Variants in F9 observed in about 807,000 individuals in gnomAD.
F9 encodes the protein coagulation factor IX, also known as Christmas factor.
F9 carries 2 observed loss-of-function variants against 34.1 expected under a neutral mutation model. That is an observed-to-expected ratio of 0.06 (90% confidence interval 0.02 to 0.18). F9 has a LOEUF of 0.18. F9 is among the 10% of genes least tolerant of loss of function. The pLI is 1.00. For missense variants in F9, 216 were observed against 345.1 expected (o/e 0.63, Z 2.96); for synonymous variants, 137 against 118.8 (o/e 1.15, Z -1.00).
chrX:139,551,281 G>T lies in F9; in HGVS notation c.723+17G>T. On this transcript the variant is annotated intron_variant, in intron 6 of 7. Transcript: ENST00000218099. ...CCTTGGCAGGTACTTTATACTGATG[G>T]TGTGTCAAAACTGGAGCTCAGCTGG... 2.5e-6 allele frequency: 3 copies of T among 1,190,410 alleles called. No individual in the cohort carries two copies. Among genetic ancestry groups the T allele is most frequent in the Non-Finnish European group, 3.4e-6 (3 of 876,031 alleles).
chrX:139,540,528 T>C (rs1927579326), intron 3 of F9, among the ~76,000 whole-genome samples: 1 of 111,868 alleles, frequency 8.9e-6, no homozygotes, highest in Admixed American at 9.5e-5. Context: ...TCTTGAACCA[T>C]TACTGCATAT....
At chrX:139,539,958 G>A (rs1226895323) in intron 3 of F9, among the ~76,000 whole-genome samples, 1 of 111,557 alleles carries the variant, frequency 9.0e-6, no homozygotes, top group Admixed American at 9.5e-5. Context: ...CAGATGTCAA[G>A]GAGATTTGCT....
chrX:139,537,030 G>A lies in F9; in HGVS notation c.109G>A (p.Ala37Thr), dbSNP rs367569299. 13 of 1,205,775 alleles carry A rather than the reference G, an allele frequency of 1.1e-5. No homozygotes were observed. Among genetic ancestry groups the A allele is most frequent in the South Asian group, 9.0e-5 (5 of 55,576 alleles). ...ECTVFLDHEN[A>T]NKILNRPKRY... ...TTCAGTTTTTCTTGATCATGAAAACGCCAACAAAATTCTGAATCGGCCAAA... is the reference window on the plus strand; with the variant it reads ...TTCAGTTTTTCTTGATCATGAAAACACCAACAAAATTCTGAATCGGCCAAA... Residue 37 changes from alanine to threonine, a missense_variant, in exon 2 of 8, where the codon GCC (alanine) becomes ACC (threonine). Ala to Thr is a moderately conservative substitution (Grantham distance 58). Coordinates refer to ENST00000218099, the MANE Select transcript of F9 (RefSeq NM_000133.4).
chrX:139,534,492 T>C (rs4149671), intron 1 of F9, among the ~76,000 whole-genome samples: 39,765 of 110,425 alleles, frequency 0.36, 5,373 homozygotes, highest in African/African-American at 0.44. Flanking sequence ...ACAGATTCAA[T>C]TAACTGCAGA....
chrX:139,550,969 G>A (rs1321836680), intron 5 of F9, 93 bp from the exon 6 acceptor site: 1 of 757,341 alleles, frequency 1.3e-6, no homozygotes, highest in Non-Finnish European at 2.0e-6. Context: ...TCTCAGAAGT[G>A]ACAAGGATGG....
At chrX:139,556,468 G>C (rs1927970371) in intron 6 of F9, among the ~76,000 whole-genome samples, 1 of 111,717 alleles carries the variant, frequency 9.0e-6, no homozygotes, top group South Asian at 3.8e-4. Flanking sequence ...TGTTCGATTA[G>C]GACACATCTC....
chrX:139,536,239 G>GTA (rs199862336), intron 1 of F9, among the ~76,000 whole-genome samples: 16 of 90,629 alleles, frequency 1.8e-4, no homozygotes, highest in South Asian at 5.0e-4. Flanking sequence ...ACACATATAT[G>GTA]TATATATATG....
At chrX:139,559,872 C>T (rs1253463867) in intron 6 of F9, among the ~76,000 whole-genome samples, 1 of 112,070 alleles carries the variant, frequency 8.9e-6, no homozygotes, top group African/African-American at 3.2e-5. Flanking sequence ...AGCTTTCTTC[C>T]TATAAAGGTG....
chrX:139,533,133 G>A (rs1476174774), intron 1 of F9, among the ~76,000 whole-genome samples: 1 of 111,275 alleles, frequency 9.0e-6, no homozygotes, highest in African/African-American at 3.3e-5. Flanking sequence ...AAAAAAGAGG[G>A]GAGTTCAAAT....
chrX:139,532,773 G>T (rs777911882), intron 1 of F9, among the ~76,000 whole-genome samples: 1 of 111,950 alleles, frequency 8.9e-6, no homozygotes, highest in Non-Finnish European at 1.9e-5. Flanking sequence ...TATGCAAAGA[G>T]GATCACTCGT....
chrX:139,552,697 C>T (rs2148363258), intron 6 of F9, among the ~76,000 whole-genome samples: 1 of 112,651 alleles, frequency 8.9e-6, no homozygotes, highest in African/African-American at 3.2e-5. Context: ...ATAGAACACT[C>T]TATTACTGCA....
chrX:139,537,070 G>C lies in F9; in HGVS notation c.149G>C (p.Gly50Ala), dbSNP rs1229048705. 6 of 1,209,144 alleles carry C rather than the reference G, an allele frequency of 5.0e-6. No homozygotes were observed. In the African/African-American group the frequency reaches 7.0e-5, roughly 14 times the overall value. Residue 50 changes from glycine to alanine, a missense_variant, in exon 2 of 8, where the codon GGT becomes GCT. Gly to Ala is a moderately conservative substitution (Grantham distance 60, BLOSUM62 0). Around this residue, in one of 2 missense-constraint regions of F9, gnomAD observed 177 missense variants for 311.8 expected, o/e 0.57. Coordinates refer to ENST00000218099, the MANE Select transcript of F9 (RefSeq NM_000133.4). Reference sequence around the variant, plus strand: ...AATCGGCCAAAGAGGTATAATTCAGGTAAATTGGAAGAGTTTGTTCAAGGG... The same window carrying C: ...AATCGGCCAAAGAGGTATAATTCAGCTAAATTGGAAGAGTTTGTTCAAGGG... ...ILNRPKRYNSGKLEEFVQGNL... is the reference protein window; with the variant it reads ...ILNRPKRYNSAKLEEFVQGNL...
In F9 at chrX:139,561,739, T is replaced by A. The variant is rs764515994; in HGVS notation, c.1054T>A (p.Tyr352Asn). 1 of 1,210,378 alleles carries A rather than the reference T, an allele frequency of 8.3e-7. No individual in the cohort carries two copies. The highest frequency in any genetic ancestry group is 1.1e-6 in the Non-Finnish European group (1 of 895,293). Residue 352 changes from tyrosine (Y) to asparagine (N), a missense_variant, in exon 8 of 8, where the codon TAT (tyrosine) becomes AAT (asparagine). Physicochemically the swap from Tyr to Asn is moderately radical, Grantham distance 143. Transcript: ENST00000218099. Reference protein sequence around the residue: ...TNIFLKFGSGYVSGWGRVFHK... With the variant: ...TNIFLKFGSGNVSGWGRVFHK... ...CATCTTCCTCAAATTTGGATCTGGC[T>A]ATGTAAGTGGCTGGGGAAGAGTCTT...
chrX:139,545,192 T>C (rs1927688069), intron 4 of F9: 1 of 111,877 alleles, frequency 8.9e-6, no homozygotes, highest in African/African-American at 3.3e-5. Flanking sequence ...CATGTTATGA[T>C]TGCACTGACC....
At chrX:139,549,789 A>G (rs1479968012) in intron 5 of F9, among the ~76,000 whole-genome samples, 1 of 112,236 alleles carries the variant, frequency 8.9e-6, no homozygotes, top group East Asian at 2.8e-4. Flanking sequence ...GTTTATGGCC[A>G]GTTTTGGGGC....
At chrX:139,534,388 T>G (rs1210335473) in intron 1 of F9, among the ~76,000 whole-genome samples, 1 of 112,150 alleles carries the variant, frequency 8.9e-6, no homozygotes. Flanking sequence ...GGCAGATACT[T>G]GATTCAAACC....
chrX:139,553,812 CA>C (rs3073312), intron 6 of F9, among the ~76,000 whole-genome samples: 299 of 12,172 alleles, frequency 0.025, no homozygotes, highest in African/African-American at 0.073. Flanking sequence ...GACTCCGTCT[CA>C]AAAAAAAAAA....
In F9 at chrX:139,530,773, C is replaced by T. The variant is rs1335753805; in HGVS notation, c.9C>T (p.Arg3=). The T allele has an allele frequency of 2.0e-5, 24 of 1,208,202 alleles. No homozygotes were observed. Among genetic ancestry groups the T allele is most frequent in the South Asian group, 5.3e-5 (3 of 56,796 alleles). The change falls in exon 1 of 8, where the codon CGC becomes CGT. Residue 3 remains arginine (R), a synonymous_variant. Coordinates refer to ENST00000218099, the MANE Select transcript of F9 (RefSeq NM_000133.4). MQ[R]VNMIMAESPG... Reference sequence around the variant, plus strand: ...ATCTGCTAGCAAAGGTTATGCAGCGCGTGAACATGATCATGGCAGAATCAC... The same window carrying T: ...ATCTGCTAGCAAAGGTTATGCAGCGTGTGAACATGATCATGGCAGAATCAC...
At chrX:139,550,911 G>A in intron 5 of F9, 151 bp from the exon 6 acceptor site, 1 of 472,084 alleles carries the variant, frequency 2.1e-6, no homozygotes, top group Non-Finnish European at 3.6e-6. Flanking sequence ...CTTTTAGCTT[G>A]AGACTCTATT....
Sources: allele counts gnomAD v4.1 joint callset (sites outside exome capture counted in the v4.1 genomes callset), GRCh38; gene constraint gnomAD v4.1.1; regional missense constraint gnomAD v4.1.1; transcripts MANE v1.5; gene names NCBI Gene and HGNC (gene_info 2026-07-23, HGNC 2026-07-21).